Variants in IL15 observed in about 807,000 individuals in gnomAD.
IL15 encodes interleukin-15.
Under a neutral mutation model 19.6 loss-of-function variants are expected in IL15, and 11 were observed. That is an observed-to-expected ratio of 0.56 (90% CI 0.35 to 0.93). The LOEUF (loss-of-function observed/expected upper bound fraction) is 0.93, where lower values mean the gene tolerates loss of function less well. IL15 is among the 40% of genes least tolerant of loss of function. The pLI, the probability that IL15 is intolerant of heterozygous loss-of-function variation, is 0.01. For synonymous variants in IL15, 58 were observed against 59.6 expected, an observed-to-expected ratio of 0.97 and a Z score of 0.12; for missense variants, 197 against 186.5, an observed-to-expected ratio of 1.06 and a Z score of -0.33.
At chr4:141,641,669 C>T (rs1452142133) in intron 1 of IL15, among the ~76,000 whole-genome samples, 3 of 129,074 alleles carry the variant, frequency 2.3e-5, no homozygotes, top group Non-Finnish European at 4.6e-5. Flanking sequence ...GGAAGGGGAA[C>T]ATCACACACC....
At chr4:141,651,160 AC>A (rs1553986226) in intron 1 of IL15, among the ~76,000 whole-genome samples, 1 of 151,928 alleles carries the variant, frequency 6.6e-6, no homozygotes, top group East Asian at 1.9e-4. Context: ...ATATATACAC[AC>A]CATATATATA....
chr4:141,690,192 C>G (rs1728863099), intron 2 of IL15, among the ~76,000 whole-genome samples: 1 of 152,238 alleles, frequency 6.6e-6, no homozygotes, highest in Non-Finnish European at 1.5e-5. Context: ...GGAACTCCAG[C>G]TGGCCCGCAA....
chr4:141,721,889 C>T (rs1242187336), intron 4 of IL15, 35 bp from the exon 5 acceptor site: 14 of 1,534,100 alleles, frequency 9.1e-6, no homozygotes, highest in South Asian at 1.2e-5. Flanking sequence ...GAATAGGCTC[C>T]TTCAAAATGC....
intron 2 of IL15, among the ~76,000 whole-genome samples, chr4:141,671,942 A>G (rs1408032372): frequency 2.6e-5 from 4 of 152,212 alleles, no homozygotes; most frequent in African/African-American, 9.6e-5. Context: ...TATCTACCAC[A>G]TATACACATG....
intron 2 of IL15, 77 bp downstream of exon 2, chr4:141,656,384 G>A: frequency 2.5e-6 from 1 of 395,972 alleles, no homozygotes; most frequent in Non-Finnish European, 4.5e-6. Context: ...TAAGGAAAAT[G>A]TGGCAAAACA....
chr4:141,720,491 C>T lies in IL15; in HGVS notation c.35C>T (p.Ser12Phe), dbSNP rs1730037125. 2 of 1,586,764 alleles carry T rather than the reference C, an allele frequency of 1.3e-6. No homozygotes were observed. Among genetic ancestry groups the T allele is most frequent in the Non-Finnish European group, 8.6e-7 (1 of 1,156,432 alleles). ...RISKPHLRSI[S>F]IQCYLCLLLN... ...CAGAAACCACATTTGAGAAGTATTT[C>T]CATCCAGTGCTACTTGTGTTTACTT... The change falls in exon 4 of 8, where the codon TCC (serine) becomes TTC (phenylalanine). Residue 12 changes from serine to phenylalanine, a missense_variant. Ser to Phe is a radical substitution (Grantham distance 155). Coordinates refer to ENST00000320650, the MANE Select transcript of IL15 (RefSeq NM_000585.5).
intron 1 of IL15, among the ~76,000 whole-genome samples, chr4:141,651,355 A>G (rs749203865): frequency 2.0e-5 from 3 of 152,198 alleles, no homozygotes; most frequent in Non-Finnish European, 4.4e-5. Context: ...GTATATTGTC[A>G]CTTAGAAGTG....
At chr4:141,691,594 G>A (rs144931079) in intron 2 of IL15, among the ~76,000 whole-genome samples, 2 of 152,146 alleles carry the variant, frequency 1.3e-5, no homozygotes, top group African/African-American at 2.4e-5. Context: ...TGGACAAAAC[G>A]AAGGGGCCAC....
At chr4:141,664,674 A>G (rs1727910377) in intron 2 of IL15, among the ~76,000 whole-genome samples, 1 of 152,210 alleles carries the variant, frequency 6.6e-6, no homozygotes, top group Non-Finnish European at 1.5e-5. Flanking sequence ...GAGAGAATAT[A>G]AGTATATATT....
At chr4:141,673,105 C>T (rs774425981) in intron 2 of IL15, among the ~76,000 whole-genome samples, 19 of 152,144 alleles carry the variant, frequency 1.2e-4, no homozygotes, top group Non-Finnish European at 2.2e-4. Context: ...CTTCTTAGCA[C>T]AGCAGTTAGA....
At chr4:141,669,697 T>G (rs1029325223) in intron 2 of IL15, among the ~76,000 whole-genome samples, 1 of 152,180 alleles carries the variant, frequency 6.6e-6, no homozygotes, top group Non-Finnish European at 1.5e-5. Flanking sequence ...ATTGGCAAAC[T>G]TTTTCTGTAA....
intron 2 of IL15, among the ~76,000 whole-genome samples, chr4:141,699,513 T>G (rs1055141325): frequency 9.2e-5 from 14 of 152,182 alleles, no homozygotes; most frequent in Non-Finnish European, 1.9e-4. Context: ...GGAGCTCCAT[T>G]GTTAGGTGCA....
chr4:141,664,342 A>AAC (rs35153516), intron 2 of IL15, among the ~76,000 whole-genome samples: 21,194 of 130,740 alleles, frequency 0.16, 1,672 homozygotes, highest in Non-Finnish European at 0.19. Flanking sequence ...TGGTGGGCAA[A>AAC]ACACACACAC....
intron 2 of IL15, among the ~76,000 whole-genome samples, chr4:141,700,999 A>G (rs1374021053): frequency 6.6e-6 from 1 of 152,130 alleles, no homozygotes; most frequent in Non-Finnish European, 1.5e-5. Flanking sequence ...CTATTTCTCT[A>G]GAAAAATTTT....
chr4:141,642,371 T>C (rs1009743862), intron 1 of IL15, among the ~76,000 whole-genome samples: 1 of 152,200 alleles, frequency 6.6e-6, no homozygotes, highest in Non-Finnish European at 1.5e-5. Context: ...GAACCGTCTA[T>C]GTCCACAAAG....
intron 2 of IL15, among the ~76,000 whole-genome samples, chr4:141,658,995 G>C (rs1727700028): frequency 6.6e-6 from 1 of 151,732 alleles, no homozygotes; most frequent in Non-Finnish European, 1.5e-5. Flanking sequence ...GAGTAGCTGG[G>C]ACTACAGGCG....
chr4:141,677,232 C>T (rs1445863719), intron 2 of IL15, among the ~76,000 whole-genome samples: 2 of 152,186 alleles, frequency 1.3e-5, no homozygotes, highest in Non-Finnish European at 2.9e-5. Context: ...GACAGCAAGA[C>T]CAACCTCTCC....
At chr4:141,661,488 A>C (rs1243741373) in intron 2 of IL15, among the ~76,000 whole-genome samples, 2 of 152,192 alleles carry the variant, frequency 1.3e-5, no homozygotes, top group Admixed American at 6.5e-5. Context: ...GAGATGGTGC[A>C]CGTGCCATTC....
chr4:141,640,386 A>G (rs934038303), intron 1 of IL15, among the ~76,000 whole-genome samples: 3 of 151,996 alleles, frequency 2.0e-5, no homozygotes, highest in Admixed American at 6.5e-5. Flanking sequence ...ACTGAGATTT[A>G]TCTTGATTCT....
Sources: allele counts gnomAD v4.1 joint callset (sites outside exome capture counted in the v4.1 genomes callset), GRCh38; gene constraint gnomAD v4.1.1; transcripts MANE v1.5; gene names NCBI Gene and HGNC (gene_info 2026-07-23, HGNC 2026-07-21).